Variants in ELOVL7 observed in about 807,000 individuals in gnomAD.
ELOVL7 encodes the protein ELOVL fatty acid elongase 7.
In ELOVL7, 27 loss-of-function variants were observed where a neutral mutation model predicts 35.7. The observed-to-expected ratio is 0.76, with a 90% CI of 0.56 to 1.04. The LOEUF (loss-of-function observed/expected upper bound fraction) is 1.04. Among genes scored for constraint, ELOVL7 ranks in the 50% least tolerant of loss-of-function variants. The probability of loss-of-function intolerance (pLI) is 0.00; values close to 1 mark genes in which losing one functional copy is unlikely to be tolerated. For missense variants in ELOVL7, 327 were observed against 340.8 expected (o/e 0.96, Z 0.32); for synonymous variants, 113 against 114.6 (o/e 0.99, Z 0.09).
chr5:60,816,446 C>A (rs1217377655), intron 1 of ELOVL7, among the ~76,000 whole-genome samples: 2 of 151,700 alleles, frequency 1.3e-5, no homozygotes, highest in African/African-American at 4.8e-5. Context: ...AGTCTAAAGA[C>A]TTTACCTGAA....
chr5:60,778,845 G>T (rs1345791670), intron 3 of ELOVL7, among the ~76,000 whole-genome samples: 1 of 152,148 alleles, frequency 6.6e-6, no homozygotes, highest in Non-Finnish European at 1.5e-5. Context: ...CTGAGACAAG[G>T]CAAGTCCCTT....
intron 2 of ELOVL7, among the ~76,000 whole-genome samples, chr5:60,788,116 C>T (rs531369714): frequency 6.6e-6 from 1 of 152,078 alleles, no homozygotes; most frequent in South Asian, 2.1e-4. Flanking sequence ...GAGAAACGAA[C>T]GTAATAGATT....
intron 1 of ELOVL7, among the ~76,000 whole-genome samples, chr5:60,816,106 G>A (rs577915687): frequency 1.3e-5 from 2 of 152,308 alleles, no homozygotes; most frequent in African/African-American, 2.4e-5. Context: ...AGGGCCAGGT[G>A]TGGTGGCTCA....
At chr5:60,826,981 T>C (rs1158363189) in intron 1 of ELOVL7, among the ~76,000 whole-genome samples, 1 of 152,186 alleles carries the variant, frequency 6.6e-6, no homozygotes, top group African/African-American at 2.4e-5. Context: ...TTAAGGTGTC[T>C]CAATTCTCTT....
chr5:60,752,952 A>T lies in ELOVL7; in HGVS notation c.*1672T>A, dbSNP rs186175219. ...GAGTAAAACTCTGCTTCAGAAAAAA[A>T]AATAATAAATTATATATATATATGT... On this transcript the variant is annotated 3_prime_UTR_variant, in exon 9 of 9. Coordinates refer to ENST00000508821, the MANE Select transcript of ELOVL7 (RefSeq NM_024930.3). 6.6e-6 allele frequency: 1 copy of T among 152,034 alleles called. No homozygotes were observed. Among genetic ancestry groups the T allele is most frequent in the Admixed American group, 6.5e-5 (1 of 15,268 alleles). The allele number at this position is 152,034 out of a possible 1,614,324, so 9.4% of individuals were successfully genotyped here. A position where few individuals can be genotyped will look rare whatever the true frequency, so the allele number is the denominator to read the frequency against.
At chr5:60,787,665 T>C (rs1410103956) in intron 2 of ELOVL7, among the ~76,000 whole-genome samples, 1 of 152,196 alleles carries the variant, frequency 6.6e-6, no homozygotes, top group Non-Finnish European at 1.5e-5. Flanking sequence ...AAAAGACTAA[T>C]ATTCTATGTA....
At chr5:60,828,121 G>T (rs1746280801) in intron 1 of ELOVL7, among the ~76,000 whole-genome samples, 1 of 152,040 alleles carries the variant, frequency 6.6e-6, no homozygotes, top group South Asian at 2.1e-4. Flanking sequence ...CTAGCAATTT[G>T]TTAGTGGAGT....
chr5:60,768,412 T>C (rs116073669), intron 4 of ELOVL7, among the ~76,000 whole-genome samples: 145 of 152,344 alleles, frequency 9.5e-4, no homozygotes, highest in African/African-American at 3.4e-3. Context: ...TTTCCCATCA[T>C]TGGCTGGTGA....
intron 2 of ELOVL7, among the ~76,000 whole-genome samples, chr5:60,798,063 T>G (rs111577570): frequency 0.013 from 1,997 of 152,304 alleles, 21 homozygotes; most frequent in Non-Finnish European, 0.021. Context: ...ACCAAACCAA[T>G]GTACTTCTTA....
chr5:60,837,324 A>AGGGGGGGGGGGGGGGGGGGGGGGG (rs1746880134), intron 1 of ELOVL7, among the ~76,000 whole-genome samples: 1 of 55,656 alleles, frequency 1.8e-5, no homozygotes, highest in African/African-American at 9.0e-5. Context: ...GTGGGGGGGG[A>AGGGGGGGGGGGGGGGGGGGGGGGG]GTGGGGGGTG....
At chr5:60,790,300 CTG>C (rs1743856803) in intron 2 of ELOVL7, among the ~76,000 whole-genome samples, 1 of 152,142 alleles carries the variant, frequency 6.6e-6, no homozygotes, top group African/African-American at 2.4e-5. Flanking sequence ...GGGGTACAAA[CTG>C]GGCTGAAGGA....
At chr5:60,759,094 G>C (rs1741723086) in intron 7 of ELOVL7, among the ~76,000 whole-genome samples, 1 of 152,090 alleles carries the variant, frequency 6.6e-6, no homozygotes, top group Non-Finnish European at 1.5e-5. Flanking sequence ...GATATTTCTA[G>C]ATACTAGCAC....
At chr5:60,821,703 C>T (rs200559441) in intron 1 of ELOVL7, among the ~76,000 whole-genome samples, 4 of 152,386 alleles carry the variant, frequency 2.6e-5, no homozygotes, top group East Asian at 3.9e-4. Context: ...CTGGTGCTGA[C>T]GCACAAATGG....
At chr5:60,781,613 C>A (rs1024322398) in intron 3 of ELOVL7, among the ~76,000 whole-genome samples, 6 of 152,058 alleles carry the variant, frequency 3.9e-5, no homozygotes, top group Non-Finnish European at 5.9e-5. Flanking sequence ...TCAGCACACA[C>A]CTTAAGTCCT....
intron 1 of ELOVL7, among the ~76,000 whole-genome samples, chr5:60,822,712 T>C (rs1745957307): frequency 6.6e-6 from 1 of 151,928 alleles, no homozygotes; most frequent in African/African-American, 2.4e-5. Context: ...GCCTGGAGAA[T>C]ACCATCACTT....
At chr5:60,769,933 C>G (rs533112546) in intron 4 of ELOVL7, among the ~76,000 whole-genome samples, 66 of 152,028 alleles carry the variant, frequency 4.3e-4, no homozygotes, top group African/African-American at 1.5e-3. Context: ...TGCCTGTAGT[C>G]TCAGCTACTT....
At chr5:60,820,131 T>A (rs1745801534) in intron 1 of ELOVL7, among the ~76,000 whole-genome samples, 1 of 152,166 alleles carries the variant, frequency 6.6e-6, no homozygotes, top group African/African-American at 2.4e-5. Flanking sequence ...AAGGGTGGCC[T>A]CTGACAGACA....
At chr5:60,793,006 C>T (rs1236382989) in intron 2 of ELOVL7, among the ~76,000 whole-genome samples, 1 of 152,160 alleles carries the variant, frequency 6.6e-6, no homozygotes, top group Non-Finnish European at 1.5e-5. Context: ...ACATGGTCCA[C>T]ACAAACTTTT....
At chr5:60,840,143 T>C (rs1206244985) in intron 1 of ELOVL7, among the ~76,000 whole-genome samples, 1 of 152,222 alleles carries the variant, frequency 6.6e-6, no homozygotes, top group Admixed American at 6.5e-5. Context: ...GCGCTTTCTT[T>C]TATGCACATT....
Sources: gnomAD v4.1 joint callset for allele counts (sites outside exome capture counted in the v4.1 genomes callset) on GRCh38, gnomAD v4.1.1 for gene constraint, MANE v1.5 for transcripts, NCBI Gene and HGNC (gene_info 2026-07-23, HGNC 2026-07-21) for gene names.